TGFB1: variants seen among roughly 807,000 people sequenced by gnomAD.
The protein encoded by TGFB1 is transforming growth factor beta 1.
In TGFB1, 19 loss-of-function variants were observed where a neutral mutation model predicts 43.8. The ratio of observed to expected loss-of-function variants is 0.43; its 90% CI spans 0.30 to 0.64. TGFB1 has a LOEUF of 0.64. Among genes scored for constraint, TGFB1 ranks in the 30% least tolerant of loss-of-function variants. The pLI, the probability that TGFB1 is intolerant of heterozygous loss-of-function variation, is 0.11. For missense variants in TGFB1, 445 were observed against 529.8 expected (o/e 0.84, Z 1.57); for synonymous variants, 221 against 236.3 (o/e 0.94, Z 0.60).
intron 5 of TGFB1, among the ~76,000 whole-genome samples, chr19:41,341,317 A>C (rs1375367308): frequency 6.0e-5 from 9 of 149,918 alleles, no homozygotes; most frequent in Admixed American, 6.0e-4. Context: ...ATACAAAAAA[A>C]TTAGCTGGGC....
At chr19:41,335,686 C>T (rs78683362) in intron 5 of TGFB1, among the ~76,000 whole-genome samples, 2,770 of 152,248 alleles carry the variant, frequency 0.018, 69 homozygotes, top group African/African-American at 0.06. Context: ...AAGCCTCTTC[C>T]GTCCAGTCTC....
chr19:41,348,574 CTTTTA>C, intron 1 of TGFB1, 119 bp from the exon 2 acceptor site: 2 of 458,016 alleles, frequency 4.4e-6, no homozygotes, highest in Non-Finnish European at 3.5e-6. Flanking sequence ...TCTCTGATAC[CTTTTA>C]TTTATTTATT....
chr19:41,351,424 G>C (rs939928318), intron 1 of TGFB1, among the ~76,000 whole-genome samples: 11 of 152,164 alleles, frequency 7.2e-5, no homozygotes, highest in Admixed American at 2.0e-4. Context: ...TGAGGAGGGC[G>C]GGAGGCGCCG....
intron 5 of TGFB1, among the ~76,000 whole-genome samples, chr19:41,336,645 C>T (rs2037991671): frequency 6.6e-6 from 1 of 152,090 alleles, no homozygotes; most frequent in South Asian, 2.1e-4. Flanking sequence ...CTGCCTTGGC[C>T]TCCCAAAGTG....
chr19:41,350,307 CTTTTTT>C (rs55873066), intron 1 of TGFB1, among the ~76,000 whole-genome samples: 1 of 119,730 alleles, frequency 8.4e-6, no homozygotes. Context: ...GTTTTCTTTT[CTTTTTT>C]TTTTTTTTTT....
In TGFB1 at chr19:41,338,509, A is replaced by G. The variant is rs76109053; in HGVS notation, c.860+3374T>C. Among the ~76,000 whole-genome samples the G allele has an allele frequency of 1.3e-3, 192 of 150,738 alleles. 1 individual carries two copies. The highest frequency in any genetic ancestry group is 9.0e-3 in the South Asian group (43 of 4,774). On this transcript the variant is annotated intron_variant, in intron 5 of 6. Coordinates refer to ENST00000221930, the MANE Select transcript of TGFB1 (RefSeq NM_000660.7). ...GAAACTCCGTCTCAAAAAAAAAAAAAGGGGATATAGGACATAATACATAAA... is the reference window on the plus strand; with the variant it reads ...GAAACTCCGTCTCAAAAAAAAAAAAGGGGGATATAGGACATAATACATAAA...
intron 5 of TGFB1, among the ~76,000 whole-genome samples, chr19:41,341,016 A>G (rs1477459515): frequency 6.6e-6 from 1 of 152,140 alleles, no homozygotes; most frequent in East Asian, 1.9e-4. Context: ...ACTTTCTAAC[A>G]TTCTGTGATT....
At chr19:41,342,053 G>C (rs943251438) in intron 4 of TGFB1, 23 bp from the exon 5 acceptor site, 4 of 1,614,170 alleles carry the variant, frequency 2.5e-6, no homozygotes, top group African/African-American at 1.3e-5. Context: ...GGGAGTCAGG[G>C]GATAGGGGAC....
rs546496933 is a variant in TGFB1, at chr19:41,336,874, T to TA, written c.861-4594dup. Among the ~76,000 whole-genome samples, 52 of 152,200 alleles carry TA rather than the reference T, an allele frequency of 3.4e-4. 2 individuals are homozygous for TA. In the South Asian group the frequency reaches 9.7e-3, roughly 29 times the overall value. ...CACATTTACCCAACTGTCTCATAAA[T>TA]ATCTTTTTTTTTTAAGCCTGTGTAA... is the stretch of plus-strand genomic sequence containing the variant. On this transcript the variant is annotated intron_variant, in intron 5 of 6. Coordinates refer to ENST00000221930, the MANE Select transcript of TGFB1 (RefSeq NM_000660.7).
chr19:41,344,665 G>A, intron 3 of TGFB1, 82 bp downstream of exon 3: 2 of 1,323,076 alleles, frequency 1.5e-6, no homozygotes, highest in Non-Finnish European at 2.2e-6. Context: ...GCGGAGAGGG[G>A]TCCTAGGCAA....
chr19:41,348,624 A>C (rs1404480877), intron 1 of TGFB1, among the ~76,000 whole-genome samples, 169 bp from the exon 2 acceptor site: 2 of 144,666 alleles, frequency 1.4e-5, no homozygotes, highest in Admixed American at 6.9e-5. Context: ...TATTTAAATG[A>C]ATTTTTTTTT....
rs921941989 is a variant in TGFB1 at position 41,352,996 on chromosome 19, ACAGCAGCGGTAG to A, written c.37_48del (p.Leu13_Leu16del). 3.9e-6 allele frequency: 6 copies of A among 1,537,290 alleles called. No homozygotes were observed. The African/African-American group carries it at 5.5e-5, about 14-fold the overall frequency. Reference sequence around the variant, plus strand: ...CGGCCAGGCGTCAGCACCAGTAGCCACAGCAGCGGTAGCAGCAGCGGCAGCAGCCGCAGCCCG... The same window carrying A: ...CGGCCAGGCGTCAGCACCAGTAGCCACAGCAGCGGCAGCAGCCGCAGCCCG... On this transcript the variant is annotated inframe_deletion, in exon 1 of 7. Coordinates refer to ENST00000221930, the MANE Select transcript of TGFB1 (RefSeq NM_000660.7).
At chr19:41,348,572 A>C (rs1282766476) in intron 1 of TGFB1, 117 bp from the exon 2 acceptor site, 1 of 536,932 alleles carries the variant, frequency 1.9e-6, no homozygotes, top group African/African-American at 2.1e-5. Context: ...AGTCTCTGAT[A>C]CCTTTTATTT....
At chr19:41,350,386 C>G (rs1232315904) in intron 1 of TGFB1, among the ~76,000 whole-genome samples, 1 of 149,318 alleles carries the variant, frequency 6.7e-6, no homozygotes, top group Non-Finnish European at 1.5e-5. Context: ...CTCATAGCAA[C>G]CTCTGCCTCC....
Position 41,341,935 on chromosome 19 carries a change from G to A in TGFB1, c.808C>T (p.His270Tyr), listed in dbSNP as rs201948484. 6.2e-7 allele frequency: 1 copy of A among 1,614,144 alleles called. No individual in the cohort carries two copies. The highest frequency in any genetic ancestry group is 2.2e-5 in the East Asian group (1 of 44,884). ...CGGCGGTGCCGGGAGCTTTGCAGAT[G>A]CTGGGCCCTCTCCAGCGGGGTGGCC... is the stretch of plus-strand genomic sequence containing the variant. ...LMATPLERAQ[H>Y]LQSSRHRRAL... The change falls in exon 5 of 7, where the codon CAT becomes TAT. Residue 270 changes from histidine (H) to tyrosine (Y), a missense_variant. Transcript: ENST00000221930.
At chr19:41,347,801 C>CTGGGCGA (rs1246869363) in intron 2 of TGFB1, among the ~76,000 whole-genome samples, 1 of 118,208 alleles carries the variant, frequency 8.5e-6, no homozygotes, top group Non-Finnish European at 1.7e-5. Flanking sequence ...GTACTCCAGC[C>CTGGGCGA]TGGGCGACAG....
At position 41,352,790 on chromosome 19, in the gene TGFB1, G is replaced by A. The variant is rs748104908; in HGVS notation, c.255C>T (p.Arg85=). 6 of 1,609,466 alleles carry A rather than the reference G, an allele frequency of 3.7e-6. No homozygotes were observed. In the East Asian group the frequency reaches 1.1e-4, roughly 30 times the overall value. The change falls in exon 1 of 7, where the codon CGC becomes CGT. Residue 85 remains arginine, a synonymous_variant. Coordinates refer to ENST00000221930, the MANE Select transcript of TGFB1 (RefSeq NM_000660.7). ...EAVLALYNST[R]DRVAGESAEP... is the part of the protein sequence containing the mutation. ...CTGCACTCTCCCCGGCCACCCGGTC[G>A]CGGGTGCTGTTGTACAGGGCGAGCA... is the stretch of plus-strand genomic sequence containing the variant.
intron 2 of TGFB1, 92 bp downstream of exon 2, chr19:41,348,203 C>T: frequency 6.8e-7 from 1 of 1,475,042 alleles, no homozygotes; most frequent in South Asian, 1.1e-5. Flanking sequence ...TCTAGGTGGA[C>T]CTTGTAACCA....
chr19:41,344,445 G>A (rs1295017265), intron 3 of TGFB1, among the ~76,000 whole-genome samples: 1 of 152,132 alleles, frequency 6.6e-6, no homozygotes, highest in Non-Finnish European at 1.5e-5. Context: ...GGTCATCACT[G>A]CCTTACAGGT....
Sources: allele counts gnomAD v4.1 joint callset (sites outside exome capture counted in the v4.1 genomes callset), GRCh38; gene constraint gnomAD v4.1.1; transcripts MANE v1.5; gene names NCBI Gene and HGNC (gene_info 2026-07-23, HGNC 2026-07-21).